The following TTC28 variants were observed in gnomAD, a reference collection of about 807,000 sequenced individuals.
The protein encoded by TTC28 is tetratricopeptide repeat domain 28, also known as tetratricopeptide repeat protein 28.
A neutral mutation model predicts 198.0 loss-of-function variants in TTC28; 61 were observed. The observed-to-expected ratio is 0.31, with a 90% confidence interval of 0.25 to 0.38. The LOEUF (loss-of-function observed/expected upper bound fraction) is 0.38. TTC28 is among the 10% of genes least tolerant of loss of function. The probability of loss-of-function intolerance (pLI) is 1.00; values close to 1 mark genes in which losing one functional copy is unlikely to be tolerated. For synonymous variants in TTC28, 1,171 were observed against 1,297.8 expected, an observed-to-expected ratio of 0.90 and a Z score of 2.10; for missense variants, 2,678 against 3,164.0, an observed-to-expected ratio of 0.85 and a Z score of 3.69.
intron 5 of TTC28, among the ~76,000 whole-genome samples, chr22:28,246,198 A>C (rs77087053): frequency 1.3e-5 from 2 of 152,194 alleles, no homozygotes; most frequent in African/African-American, 4.8e-5. Context: ...GCATTTGTAC[A>C]CAAGAGACCT....
intron 2 of TTC28, among the ~76,000 whole-genome samples, chr22:28,370,858 G>A (rs911598034): frequency 2.0e-5 from 3 of 152,184 alleles, no homozygotes; most frequent in Non-Finnish European, 4.4e-5. Context: ...AGCGGTGCAT[G>A]ACTTTGTTAG....
chr22:28,582,788 C>A (rs1018191301), intron 2 of TTC28, among the ~76,000 whole-genome samples: 7 of 152,128 alleles, frequency 4.6e-5, no homozygotes, highest in African/African-American at 1.7e-4. Context: ...AAGTCACATT[C>A]TTTGTTTTAA....
At chr22:27,997,073 C>T (rs1349206272) in intron 16 of TTC28, among the ~76,000 whole-genome samples, 1 of 152,226 alleles carries the variant, frequency 6.6e-6, no homozygotes, top group Non-Finnish European at 1.5e-5. Context: ...GCCCAAAGCC[C>T]CTTCTGACTG....
At chr22:28,305,323 G>C (rs1286054411) in intron 3 of TTC28, among the ~76,000 whole-genome samples, 1 of 151,998 alleles carries the variant, frequency 6.6e-6, no homozygotes, top group African/African-American at 2.4e-5. Flanking sequence ...GTCCCCAGGA[G>C]GTTTCAGCCT....
Position 28,015,585 on chromosome 22 carries a change from G to C in TTC28, c.4074-1193C>G, listed in dbSNP as rs114782585. On this transcript the variant is annotated intron_variant, in intron 13 of 22. Transcript: ENST00000397906. ...CCACAGTTATGTACCACAACACCTA[G>C]CTAATTTGTAAATTTTTTTTTGTAG... Among the ~76,000 whole-genome samples, 1,178 of 140,146 alleles carry C rather than the reference G, an allele frequency of 8.4e-3. 25 individuals are homozygous for C. Among genetic ancestry groups the C allele is most frequent in the African/African-American group, 0.03 (1,085 of 36,242 alleles). 91.9% of individuals were successfully genotyped at this position (140,146 alleles called of 152,430 possible).
intron 2 of TTC28, among the ~76,000 whole-genome samples, chr22:28,611,775 T>TG (rs1225282841): frequency 6.6e-6 from 1 of 150,902 alleles, no homozygotes; most frequent in Non-Finnish European, 1.5e-5. Context: ...TTTTTGTTCT[T>TG]GCGATAGTTT....
At position 28,040,217 on chromosome 22, in the gene TTC28, A is replaced by C. The variant is rs138178603; in HGVS notation, c.3933-9851T>G. 7.9e-4 allele frequency among the ~76,000 whole-genome samples: 121 copies of C among 152,306 alleles called. 1 individual carries two copies. Among genetic ancestry groups the C allele is most frequent in the African/African-American group, 2.8e-3 (117 of 41,572 alleles). ...ATTCCAATCAATAGAAAAAGAGGGA[A>C]TCCTCCCTAACTCATTTTATGAGGC... is the stretch of plus-strand genomic sequence containing the variant. On this transcript the variant is annotated intron_variant, in intron 12 of 22. Coordinates refer to ENST00000397906, the MANE Select transcript of TTC28 (RefSeq NM_001145418.2).
chr22:28,560,809 G>T (rs2049859396), intron 2 of TTC28, among the ~76,000 whole-genome samples: 1 of 152,056 alleles, frequency 6.6e-6, no homozygotes, highest in Non-Finnish European at 1.5e-5. Context: ...CCAGGCTGGA[G>T]TGCAGTGGCA....
chr22:28,178,062 A>C (rs1569181201), intron 5 of TTC28, among the ~76,000 whole-genome samples: 1 of 152,162 alleles, frequency 6.6e-6, no homozygotes, highest in Admixed American at 6.5e-5. Flanking sequence ...CTAATGCAGG[A>C]TATCAATAAC....
intron 2 of TTC28, among the ~76,000 whole-genome samples, chr22:28,528,128 G>T (rs746146998): frequency 6.6e-6 from 1 of 152,028 alleles, no homozygotes; most frequent in Non-Finnish European, 1.5e-5. Context: ...ACAGCAATGG[G>T]GTAGAATGAA....
chr22:28,284,177 C>G (rs1200747890), intron 5 of TTC28, among the ~76,000 whole-genome samples: 1 of 152,158 alleles, frequency 6.6e-6, no homozygotes, highest in Non-Finnish European at 1.5e-5. Flanking sequence ...AAAGGCATTA[C>G]AGCACCTTGT....
intron 2 of TTC28, among the ~76,000 whole-genome samples, chr22:28,479,940 TTGAA>T (rs1227329777): frequency 6.6e-6 from 1 of 152,166 alleles, no homozygotes; most frequent in Non-Finnish European, 1.5e-5. Context: ...AAAACATTTA[TTGAA>T]TAATATAAGA....
intron 1 of TTC28, among the ~76,000 whole-genome samples, chr22:28,631,822 A>C (rs2051178260): frequency 6.6e-6 from 1 of 152,196 alleles, no homozygotes; most frequent in Non-Finnish European, 1.5e-5. Flanking sequence ...CACAGCACCC[A>C]GCCTGTTACT....
intron 5 of TTC28, among the ~76,000 whole-genome samples, chr22:28,170,039 G>C (rs1272679072): frequency 6.6e-6 from 1 of 152,032 alleles, no homozygotes; most frequent in South Asian, 2.1e-4. Context: ...AAAAACAATG[G>C]TACTTTAATC....
intron 2 of TTC28, among the ~76,000 whole-genome samples, chr22:28,328,740 C>A (rs134485): frequency 0.98 from 144,997 of 148,286 alleles, 70,884 homozygotes; most frequent in East Asian, 0.99. Flanking sequence ...AGCCACAGAT[C>A]GAGACTCTGT....
intron 2 of TTC28, among the ~76,000 whole-genome samples, chr22:28,542,070 C>A (rs1263301361): frequency 6.6e-6 from 1 of 151,936 alleles, no homozygotes; most frequent in Non-Finnish European, 1.5e-5. Flanking sequence ...GCCTGGGTAA[C>A]AGAACAAGAT....
At chr22:28,592,149 G>A (rs1199028607) in intron 2 of TTC28, among the ~76,000 whole-genome samples, 1 of 152,120 alleles carries the variant, frequency 6.6e-6, no homozygotes, top group Non-Finnish European at 1.5e-5. Flanking sequence ...GAAGCTATGA[G>A]TGGGGGACCT....
intron 2 of TTC28, among the ~76,000 whole-genome samples, chr22:28,398,232 G>A (rs1009629491): frequency 2.0e-5 from 3 of 152,186 alleles, no homozygotes; most frequent in African/African-American, 7.2e-5. Flanking sequence ...CACTTCTGTG[G>A]TCAGGAGAGA....
chr22:28,299,273 C>A (rs1051520685), intron 3 of TTC28, among the ~76,000 whole-genome samples: 1 of 151,910 alleles, frequency 6.6e-6, no homozygotes, highest in Non-Finnish European at 1.5e-5. Context: ...GGGGTGGTCT[C>A]TTTAAATCTT....
Sources: gnomAD v4.1 joint callset for allele counts (sites outside exome capture counted in the v4.1 genomes callset) on GRCh38, gnomAD v4.1.1 for gene constraint, MANE v1.5 for transcripts, NCBI Gene and HGNC (gene_info 2026-07-23, HGNC 2026-07-21) for gene names.